The following ARHGAP6 variants were observed in gnomAD, a reference collection of about 807,000 sequenced individuals.
ARHGAP6 encodes the protein Rho GTPase activating protein 6, also known as rho GTPase-activating protein 6.
ARHGAP6 carries 16 observed loss-of-function variants against 55.7 expected under a neutral mutation model. The ratio of observed to expected loss-of-function variants is 0.29; its 90% CI spans 0.19 to 0.44. ARHGAP6 has a LOEUF of 0.44. Among genes scored for constraint, ARHGAP6 ranks in the 20% least tolerant of loss-of-function variants. The pLI is 1.00. For missense variants in ARHGAP6, 698 were observed against 808.9 expected (o/e 0.86, Z 1.66); for synonymous variants, 382 against 360.9 (o/e 1.06, Z -0.66).
intron 1 of ARHGAP6, among the ~76,000 whole-genome samples, chrX:11,317,297 C>T (rs1175569230): frequency 8.9e-6 from 1 of 112,453 alleles, no homozygotes; most frequent in Non-Finnish European, 1.9e-5. Flanking sequence ...AGAAGCATCC[C>T]TGGCTTTTAC....
chrX:11,253,873 C>T (rs961908813), intron 2 of ARHGAP6, among the ~76,000 whole-genome samples: 1 of 108,010 alleles, frequency 9.3e-6, no homozygotes, highest in African/African-American at 3.4e-5. Flanking sequence ...CCACTGCACT[C>T]CAGCCTGGCA....
At chrX:11,408,892 CACACACACACACACAT>C (rs1040220700) in intron 1 of ARHGAP6, among the ~76,000 whole-genome samples, 9 of 107,827 alleles carry the variant, frequency 8.3e-5, no homozygotes, top group Non-Finnish European at 1.5e-4. Flanking sequence ...AATTGATCAT[CACACACACACACACAT>C]ACACACACAC....
At chrX:11,217,221 G>A (rs764768403) in intron 2 of ARHGAP6, among the ~76,000 whole-genome samples, 16 of 111,846 alleles carry the variant, frequency 1.4e-4, no homozygotes, top group African/African-American at 5.2e-4. Flanking sequence ...AATCCTTTGG[G>A]TATATATCCA....
chrX:11,521,296 A>C (rs1234668751), intron 1 of ARHGAP6, among the ~76,000 whole-genome samples: 1 of 112,011 alleles, frequency 8.9e-6, no homozygotes, highest in African/African-American at 3.2e-5. Context: ...TTTTAGGTCT[A>C]ACATTTAAGT....
chrX:11,296,814 C>T (rs1304835302), intron 1 of ARHGAP6: 1 of 1,211,003 alleles, frequency 8.3e-7, no homozygotes, highest in South Asian at 1.8e-5. Flanking sequence ...GTTATATCAA[C>T]TTCAGCTATG....
chrX:11,261,207 T>A (rs2157879), intron 1 of ARHGAP6, among the ~76,000 whole-genome samples: 1 of 110,956 alleles, frequency 9.0e-6, no homozygotes, highest in Non-Finnish European at 1.9e-5. Context: ...GAAAAACCCA[T>A]GCCAGTACAT....
At chrX:11,628,401 G>A (rs2052323062) in intron 1 of ARHGAP6, among the ~76,000 whole-genome samples, 1 of 112,705 alleles carries the variant, frequency 8.9e-6, no homozygotes, top group Non-Finnish European at 1.9e-5. Flanking sequence ...AAAGGTATAA[G>A]TGAATCTGTA....
At chrX:11,186,473 C>CA in intron 4 of ARHGAP6, 42 bp from the exon 5 acceptor site, 3 of 1,096,374 alleles carry the variant, frequency 2.7e-6, no homozygotes, top group African/African-American at 3.6e-5. Flanking sequence ...TACAGATAGC[C>CA]AAAAAACCCA....
chrX:11,455,739 G>A lies in ARHGAP6; in HGVS notation c.589-201032C>T, dbSNP rs146115194. Among the ~76,000 whole-genome samples the A allele has an allele frequency of 6.3e-5, 7 of 111,705 alleles. No homozygotes were observed. In the East Asian group the frequency reaches 2.0e-3, roughly 31 times the overall value. On this transcript the variant is annotated intron_variant, in intron 1 of 12. Coordinates refer to ENST00000337414, the MANE Select transcript of ARHGAP6 (RefSeq NM_013427.3). ...GGTGAGTGATTTTAGGAGGCACAGT[G>A]TTGGATTGAAATAAGATGACATGAG...
At chrX:11,313,965 TCTC>T (rs1312334813) in intron 1 of ARHGAP6, among the ~76,000 whole-genome samples, 9 of 112,220 alleles carry the variant, frequency 8.0e-5, no homozygotes, top group Non-Finnish European at 1.7e-4. Context: ...TTGAGGTTCA[TCTC>T]CTTGTATTAT....
intron 1 of ARHGAP6, among the ~76,000 whole-genome samples, chrX:11,266,323 G>A (rs1335258205): frequency 3.6e-5 from 4 of 111,255 alleles, no homozygotes; most frequent in Non-Finnish European, 7.5e-5. Flanking sequence ...CTGAGAGCAA[G>A]ATAAAGCACA....
intron 1 of ARHGAP6, among the ~76,000 whole-genome samples, chrX:11,326,255 AG>A (rs2048497156): frequency 9.2e-6 from 1 of 108,953 alleles, no homozygotes; most frequent in South Asian, 4.0e-4. Context: ...CAGCCTCCCA[AG>A]TAGCTGGGAT....
At chrX:11,439,535 T>C (rs1301222798) in intron 1 of ARHGAP6, among the ~76,000 whole-genome samples, 2 of 112,594 alleles carry the variant, frequency 1.8e-5, no homozygotes, top group African/African-American at 6.4e-5. Context: ...TTGTTTCCTT[T>C]GAATCTTTTT....
chrX:11,366,824 T>C (rs1022378425), intron 1 of ARHGAP6, among the ~76,000 whole-genome samples: 1 of 112,091 alleles, frequency 8.9e-6, no homozygotes, highest in African/African-American at 3.2e-5. Flanking sequence ...CAAGTGTGTC[T>C]CTGTTCCTTG....
chrX:11,324,811 T>C (rs1178482077), intron 1 of ARHGAP6, among the ~76,000 whole-genome samples: 1 of 112,327 alleles, frequency 8.9e-6, no homozygotes, highest in Non-Finnish European at 1.9e-5. Flanking sequence ...CATGAACTTT[T>C]TGAAGTGCTC....
chrX:11,306,869 A>G (rs2048243221), intron 1 of ARHGAP6, among the ~76,000 whole-genome samples: 1 of 112,135 alleles, frequency 8.9e-6, no homozygotes, highest in Admixed American at 9.4e-5. Context: ...AACTCATTAA[A>G]TGCTCTGTAG....
At chrX:11,520,131 T>TTATATATATA (rs1160731443) in intron 1 of ARHGAP6, among the ~76,000 whole-genome samples, 304 of 18,238 alleles carry the variant, frequency 0.017, 32 homozygotes, top group Non-Finnish European at 0.021. Flanking sequence ...AGAATTGATT[T>TTATATATATA]TATATATATA....
At chrX:11,236,328 A>C (rs2047200180) in intron 2 of ARHGAP6, among the ~76,000 whole-genome samples, 1 of 111,636 alleles carries the variant, frequency 9.0e-6, no homozygotes, top group African/African-American at 3.3e-5. Flanking sequence ...CATGGGGGTA[A>C]CAGTCCCCAT....
At chrX:11,502,703 T>C (rs2050691747) in intron 1 of ARHGAP6, among the ~76,000 whole-genome samples, 1 of 111,398 alleles carries the variant, frequency 9.0e-6, no homozygotes, top group African/African-American at 3.3e-5. Context: ...ATATATTTTA[T>C]TCTTATGATT....
Sources: allele counts gnomAD v4.1 joint callset (sites outside exome capture counted in the v4.1 genomes callset), GRCh38; gene constraint gnomAD v4.1.1; transcripts MANE v1.5; gene names NCBI Gene and HGNC (gene_info 2026-07-23, HGNC 2026-07-21).